Variants in TBC1D22A observed in about 807,000 individuals in gnomAD.
TBC1D22A encodes the protein putative GTPase activator.
A neutral mutation model predicts 60.2 loss-of-function variants in TBC1D22A; 38 were observed. The observed-to-expected ratio is 0.63, with a 90% CI of 0.49 to 0.83. TBC1D22A has a LOEUF of 0.83. TBC1D22A is among the 40% of genes least tolerant of loss of function. The pLI is 0.00. For synonymous variants in TBC1D22A, 302 were observed against 281.7 expected (o/e 1.07, Z -0.72); for missense variants, 628 against 701.0 (o/e 0.90, Z 1.18).
chr22:46,769,050 C>T (rs1052073759), intron 1 of TBC1D22A, among the ~76,000 whole-genome samples: 6 of 136,666 alleles, frequency 4.4e-5, no homozygotes, highest in Admixed American at 2.5e-4. Flanking sequence ...GCTGAGATCG[C>T]GTCACTGCAC....
chr22:46,775,016 G>C (rs182034422), intron 1 of TBC1D22A, among the ~76,000 whole-genome samples: 1 of 152,228 alleles, frequency 6.6e-6, no homozygotes, highest in African/African-American at 2.4e-5. Flanking sequence ...AATAAAATAG[G>C]CTTGCTGGCT....
At chr22:46,856,542 A>G (rs960434541) in intron 4 of TBC1D22A, among the ~76,000 whole-genome samples, 1 of 152,226 alleles carries the variant, frequency 6.6e-6, no homozygotes, top group African/African-American at 2.4e-5. Context: ...GCCATGCAAC[A>G]TTGGCTGCGG....
At chr22:46,790,808 A>G (rs955679499) in intron 1 of TBC1D22A, among the ~76,000 whole-genome samples, 5 of 152,162 alleles carry the variant, frequency 3.3e-5, no homozygotes, top group Admixed American at 2.0e-4. Context: ...GGCCTTTTTA[A>G]TGTGTGCTTT....
chr22:46,823,615 G>A (rs1351405509), intron 4 of TBC1D22A, among the ~76,000 whole-genome samples: 1 of 152,214 alleles, frequency 6.6e-6, no homozygotes, highest in African/African-American at 2.4e-5. Flanking sequence ...CTTACGGGGA[G>A]GATTCAATGA....
chr22:46,941,207 A>G (rs1019793496), intron 8 of TBC1D22A, among the ~76,000 whole-genome samples: 1 of 119,352 alleles, frequency 8.4e-6, no homozygotes, highest in Non-Finnish European at 1.7e-5. Flanking sequence ...GTATATATGT[A>G]TACACACACA....
At chr22:46,876,080 G>T (rs2067548720) in intron 4 of TBC1D22A, among the ~76,000 whole-genome samples, 1 of 152,212 alleles carries the variant, frequency 6.6e-6, no homozygotes, top group South Asian at 2.1e-4. Flanking sequence ...TGACAAATCG[G>T]AGATTAAAGT....
chr22:46,817,979 G>C lies in TBC1D22A; in HGVS notation c.637+20359G>C, dbSNP rs149193923. ...CTGGTGTGAGATGGTGTCTCATTGT[G>C]GTTTTGATTTGCATTTATCTGATGA... On this transcript the variant is annotated intron_variant, in intron 4 of 12. Coordinates refer to ENST00000337137, the MANE Select transcript of TBC1D22A (RefSeq NM_014346.5). Among the ~76,000 whole-genome samples, 489 of 152,198 alleles carry C rather than the reference G, an allele frequency of 3.2e-3. 1 individual carries two copies. Among genetic ancestry groups the C allele is most frequent in the African/African-American group, 0.011 (467 of 41,522 alleles).
chr22:47,036,788 C>G (rs1489876610), intron 10 of TBC1D22A, among the ~76,000 whole-genome samples: 2 of 152,206 alleles, frequency 1.3e-5, no homozygotes, highest in Non-Finnish European at 2.9e-5. Flanking sequence ...GACTCAAGCC[C>G]CCCCATCTTC....
intron 8 of TBC1D22A, among the ~76,000 whole-genome samples, chr22:46,954,193 G>T (rs1394243167): frequency 6.6e-6 from 1 of 152,202 alleles, no homozygotes; most frequent in Non-Finnish European, 1.5e-5. Context: ...AGTCAGACAG[G>T]CCCCAGCCCC....
At chr22:46,833,942 C>T (rs1407123073) in intron 4 of TBC1D22A, among the ~76,000 whole-genome samples, 1 of 152,212 alleles carries the variant, frequency 6.6e-6, no homozygotes, top group Non-Finnish European at 1.5e-5. Flanking sequence ...CATTTGGTCT[C>T]TCTGCCAGAT....
At chr22:46,829,570 G>T (rs1363154762) in intron 4 of TBC1D22A, among the ~76,000 whole-genome samples, 2 of 152,206 alleles carry the variant, frequency 1.3e-5, no homozygotes, top group Non-Finnish European at 2.9e-5. Context: ...CATCTGGGAA[G>T]GCCAGAGAAA....
At chr22:47,051,426 A>G (rs1270537272) in intron 11 of TBC1D22A, among the ~76,000 whole-genome samples, 1 of 152,186 alleles carries the variant, frequency 6.6e-6, no homozygotes. Flanking sequence ...TAGTTCCGGA[A>G]TTACGGTCCT....
At chr22:47,066,228 C>T (rs958578231) in intron 11 of TBC1D22A, among the ~76,000 whole-genome samples, 1 of 152,232 alleles carries the variant, frequency 6.6e-6, no homozygotes, top group South Asian at 2.1e-4. Flanking sequence ...AAAGGAAATG[C>T]ATCTTAAAAT....
chr22:47,007,816 C>G (rs971160178), intron 10 of TBC1D22A, among the ~76,000 whole-genome samples: 3 of 152,126 alleles, frequency 2.0e-5, no homozygotes, highest in Admixed American at 6.5e-5. Context: ...TAATCTTAAT[C>G]ACTTCCTTAG....
chr22:47,057,494 G>A (rs1171632120), intron 11 of TBC1D22A, among the ~76,000 whole-genome samples: 1 of 152,214 alleles, frequency 6.6e-6, no homozygotes, highest in Non-Finnish European at 1.5e-5. Context: ...GTGGAAATGT[G>A]TATTAGTTTG....
intron 10 of TBC1D22A, among the ~76,000 whole-genome samples, chr22:47,018,164 TGCGTCA>T (rs1375389613): frequency 6.6e-6 from 1 of 152,266 alleles, no homozygotes; most frequent in African/African-American, 2.4e-5. Flanking sequence ...CTGCTTCCCC[TGCGTCA>T]GTGTGGCTGC....
intron 2 of TBC1D22A, among the ~76,000 whole-genome samples, chr22:46,793,217 C>T (rs2084499176): frequency 6.6e-6 from 1 of 152,256 alleles, no homozygotes; most frequent in Non-Finnish European, 1.5e-5. Context: ...CAGGCACTGG[C>T]CAGAGTGAGC....
chr22:47,134,776 T>C (rs2066802256), intron 12 of TBC1D22A, among the ~76,000 whole-genome samples: 1 of 152,152 alleles, frequency 6.6e-6, no homozygotes, highest in Non-Finnish European at 1.5e-5. Flanking sequence ...TTTCTGCTCA[T>C]GTCCTGGGTT....
intron 4 of TBC1D22A, among the ~76,000 whole-genome samples, chr22:46,799,740 G>C (rs772374171): frequency 7.2e-5 from 11 of 152,224 alleles, no homozygotes; most frequent in Non-Finnish European, 1.3e-4. Context: ...CCCTTGGTTT[G>C]TGCTTGTCTG....
Sources: gnomAD v4.1 joint callset for allele counts (sites outside exome capture counted in the v4.1 genomes callset) on GRCh38, gnomAD v4.1.1 for gene constraint, MANE v1.5 for transcripts, NCBI Gene and HGNC (gene_info 2026-07-23, HGNC 2026-07-21) for gene names.